The following PTPRD variants were observed in gnomAD, a reference collection of about 807,000 sequenced individuals.
PTPRD encodes the protein receptor-type tyrosine-protein phosphatase delta.
Under a neutral mutation model 214.5 loss-of-function variants are expected in PTPRD, and 34 were observed. That is an observed-to-expected ratio of 0.16 (90% CI 0.12 to 0.21). The LOEUF is 0.21. Ranked by LOEUF, PTPRD falls within the 10% of genes least tolerant of loss-of-function variation. PTPRD has a pLI of 1.00. For synonymous variants in PTPRD, 1,128 were observed against 845.7 expected, an observed-to-expected ratio of 1.33 and a Z score of -5.79; for missense variants, 2,545 against 2,398.7, an observed-to-expected ratio of 1.06 and a Z score of -1.27.
intron 14 of PTPRD, among the ~76,000 whole-genome samples, chr9:8,530,211 C>T (rs2075324189): frequency 1.3e-5 from 2 of 152,048 alleles, no homozygotes; most frequent in South Asian, 4.1e-4. Context: ...TGTTCTCCAA[C>T]TCTCTCCCTC....
rs10977917 is a variant in PTPRD at position 9,657,756 on chromosome 9, G to A, written c.-287+76777C>T. 1.3e-3 allele frequency among the ~76,000 whole-genome samples: 196 copies of A among 152,238 alleles called. 1 individual carries two copies. In the East Asian group the frequency reaches 0.028, roughly 21 times the overall value. On this transcript the variant is annotated intron_variant, in intron 7 of 45. Transcript: ENST00000381196. Reference sequence around the variant, plus strand: ...CATTCTTTGACATAGGACCCACAAGGCTTGCCACATGGGGGCAAACCAATT... The same window carrying A: ...CATTCTTTGACATAGGACCCACAAGACTTGCCACATGGGGGCAAACCAATT...
chr9:8,465,429 G>A lies in PTPRD; in HGVS notation c.3714+37C>T, dbSNP rs367887916. ...CACATTCCAGTGAAAATGTATAAGC[G>A]TACCATAGGAAACAGATGCCATCAT... is the stretch of plus-strand genomic sequence containing the variant. On this transcript the variant is annotated intron_variant, in intron 32 of 45. Transcript: ENST00000381196. 132 of 1,571,530 alleles carry A rather than the reference G, an allele frequency of 8.4e-5. No individual in the cohort carries two copies. The South Asian group carries it at 1.2e-3, about 15-fold the overall frequency.
intron 8 of PTPRD, among the ~76,000 whole-genome samples, chr9:9,539,057 T>C (rs917471823): frequency 1.3e-5 from 2 of 151,838 alleles, no homozygotes; most frequent in Admixed American, 1.3e-4. Flanking sequence ...AAAAGAGAGT[T>C]CTGCACAAGA....
At chr9:9,193,602 C>A (rs1172471522) in intron 9 of PTPRD, among the ~76,000 whole-genome samples, 1 of 152,136 alleles carries the variant, frequency 6.6e-6, no homozygotes, top group Admixed American at 6.6e-5. Context: ...ATGCTGAATA[C>A]TGTAGGCAAC....
intron 11 of PTPRD, among the ~76,000 whole-genome samples, chr9:8,822,267 A>C (rs16928488): frequency 6.6e-6 from 1 of 152,172 alleles, no homozygotes; most frequent in Non-Finnish European, 1.5e-5. Flanking sequence ...TGGAACATTC[A>C]TCCATGCCCA....
intron 4 of PTPRD, among the ~76,000 whole-genome samples, chr9:9,946,991 G>C (rs1253031630): frequency 6.6e-6 from 1 of 151,660 alleles, no homozygotes; most frequent in Non-Finnish European, 1.5e-5. Flanking sequence ...GCCATGCATA[G>C]AGTTCTATTT....
chr9:9,994,445 T>C (rs889724197), intron 4 of PTPRD, among the ~76,000 whole-genome samples: 2 of 152,166 alleles, frequency 1.3e-5, no homozygotes, highest in African/African-American at 4.8e-5. Flanking sequence ...AATTCAGAAC[T>C]GACGTCTTAT....
At chr9:9,952,624 C>CTA (rs1047451590) in intron 4 of PTPRD, among the ~76,000 whole-genome samples, 2 of 152,058 alleles carry the variant, frequency 1.3e-5, no homozygotes, top group East Asian at 1.9e-4. Context: ...GCGCTATTAA[C>CTA]TATATATATA....
chr9:9,970,439 A>AAG (rs1362225162), intron 4 of PTPRD, among the ~76,000 whole-genome samples: 1 of 122,790 alleles, frequency 8.1e-6, no homozygotes, highest in Non-Finnish European at 1.8e-5. Flanking sequence ...CAAAAAAAAA[A>AAG]AAAAGAAAAA....
rs560982086 is a variant in PTPRD, at chr9:10,612,831, T to C, written c.-851A>G. ...AGGCCGATGAGCGGCTCCCGGCTCC[T>C]CGGAGAAGCAGCCGAGACGGCAAGG... On this transcript the variant is annotated 5_prime_UTR_variant, in exon 1 of 46. Transcript: ENST00000381196. 2.0e-5 allele frequency: 3 copies of C among 152,132 alleles called. No homozygotes were observed. The highest frequency in any genetic ancestry group is 2.0e-4 in the Admixed American group (3 of 15,284). The allele number at this position is 152,132 out of a possible 1,614,324, so 9.4% of individuals were successfully genotyped here.
At chr9:8,408,955 T>G (rs3903827) in intron 35 of PTPRD, among the ~76,000 whole-genome samples, 4,301 of 152,292 alleles carry the variant, frequency 0.028, 200 homozygotes, top group African/African-American at 0.099. Context: ...TATTTAGTCT[T>G]TAACTTGATG....
intron 3 of PTPRD, among the ~76,000 whole-genome samples, chr9:10,220,351 A>G (rs1233139010): frequency 6.6e-6 from 1 of 151,906 alleles, no homozygotes; most frequent in Non-Finnish European, 1.5e-5. Flanking sequence ...TGGTGAAATT[A>G]TGCCCATTTC....
At chr9:9,418,026 C>A (rs540551168) in intron 8 of PTPRD, among the ~76,000 whole-genome samples, 1 of 152,022 alleles carries the variant, frequency 6.6e-6, no homozygotes. Flanking sequence ...TCTAAAAATT[C>A]GTTTTCTCTA....
chr9:10,298,742 A>G (rs905366093), intron 3 of PTPRD, among the ~76,000 whole-genome samples: 1 of 152,040 alleles, frequency 6.6e-6, no homozygotes, highest in African/African-American at 2.4e-5. Context: ...AAGACATACC[A>G]TATCTAACAA....
At chr9:9,537,495 TG>T (rs1262446438) in intron 8 of PTPRD, among the ~76,000 whole-genome samples, 8 of 152,038 alleles carry the variant, frequency 5.3e-5, no homozygotes, top group Non-Finnish European at 1.2e-4. Flanking sequence ...AGTCTAATTT[TG>T]CTCTTAAAAC....
intron 9 of PTPRD, among the ~76,000 whole-genome samples, chr9:9,328,986 C>T (rs16929161): frequency 2.0e-5 from 3 of 151,902 alleles, no homozygotes; most frequent in South Asian, 2.1e-4. Flanking sequence ...TTGAAGATTG[C>T]GTAAAAATTG....
chr9:8,614,225 A>G (rs2095539334), intron 14 of PTPRD, among the ~76,000 whole-genome samples: 1 of 152,124 alleles, frequency 6.6e-6, no homozygotes, highest in Non-Finnish European at 1.5e-5. Context: ...GCTAAAGTTT[A>G]TTTGTAACCT....
intron 3 of PTPRD, among the ~76,000 whole-genome samples, chr9:10,313,104 C>T (rs1173047587): frequency 6.6e-6 from 1 of 151,812 alleles, no homozygotes; most frequent in Non-Finnish European, 1.5e-5. Context: ...TCTCCATAGG[C>T]AAAACCTTTC....
intron 11 of PTPRD, among the ~76,000 whole-genome samples, chr9:8,853,447 G>A (rs2097856299): frequency 6.6e-6 from 1 of 152,152 alleles, no homozygotes; most frequent in Non-Finnish European, 1.5e-5. Flanking sequence ...TGGACACTTT[G>A]TGGAAACAGA....
Sources: gnomAD v4.1 joint callset for allele counts (sites outside exome capture counted in the v4.1 genomes callset) on GRCh38, gnomAD v4.1.1 for gene constraint, MANE v1.5 for transcripts, NCBI Gene and HGNC (gene_info 2026-07-23, HGNC 2026-07-21) for gene names.